The following WWOX variants were observed in gnomAD, a reference collection of about 807,000 sequenced individuals.
The protein encoded by WWOX is WW domain containing oxidoreductase, also known as WW domain-containing oxidoreductase.
A neutral mutation model predicts 46.2 loss-of-function variants in WWOX; 69 were observed. The ratio of observed to expected loss-of-function variants is 1.49; its 90% CI spans 1.23 to 1.82. WWOX has a LOEUF of 1.82. Ranked by LOEUF, WWOX falls within the 40% of genes most tolerant of loss-of-function variation. The pLI is 0.00. For synonymous variants in WWOX, 359 were observed against 202.6 expected (o/e 1.77, Z -6.56); for missense variants, 919 against 542.6 (o/e 1.69, Z -6.89).
chr16:78,719,630 C>A (rs1301709737), intron 8 of WWOX, among the ~76,000 whole-genome samples: 2 of 152,178 alleles, frequency 1.3e-5, no homozygotes, highest in Admixed American at 1.3e-4. Context: ...ATAAGCTAGT[C>A]AGGTAAGTTA....
intron 6 of WWOX, among the ~76,000 whole-genome samples, chr16:78,406,994 G>A (rs2082564921): frequency 1.3e-5 from 2 of 152,194 alleles, no homozygotes; most frequent in Admixed American, 1.3e-4. Context: ...AGTGGCACAT[G>A]CTGCATTTTG....
At chr16:78,175,439 A>G (rs760710700) in intron 5 of WWOX, among the ~76,000 whole-genome samples, 1 of 152,204 alleles carries the variant, frequency 6.6e-6, no homozygotes, top group South Asian at 2.1e-4. Context: ...CTCTCCATGA[A>G]TAGAATTTGG....
chr16:79,045,291 C>T (rs574511319), intron 8 of WWOX, among the ~76,000 whole-genome samples: 1 of 152,298 alleles, frequency 6.6e-6, no homozygotes, highest in Admixed American at 6.5e-5. Context: ...TCAGTGATAG[C>T]TCATGGGACA....
intron 8 of WWOX, among the ~76,000 whole-genome samples, chr16:78,787,397 C>A (rs1034650582): frequency 6.6e-6 from 1 of 152,154 alleles, no homozygotes; most frequent in Non-Finnish European, 1.5e-5. Flanking sequence ...TTCTGGATAT[C>A]TCATATAAAT....
intron 5 of WWOX, among the ~76,000 whole-genome samples, chr16:78,231,285 G>T (rs1250548163): frequency 6.6e-6 from 1 of 152,200 alleles, no homozygotes; most frequent in African/African-American, 2.4e-5. Flanking sequence ...CTTATGAGAT[G>T]TGGCTTCGGC....
At chr16:78,573,102 G>C (rs564275879) in intron 8 of WWOX, among the ~76,000 whole-genome samples, 11 of 152,102 alleles carry the variant, frequency 7.2e-5, no homozygotes, top group Non-Finnish European at 1.2e-4. Flanking sequence ...TGGCTAACAT[G>C]ATGAAACCCC....
chr16:78,847,765 G>C (rs2052338843), intron 8 of WWOX, among the ~76,000 whole-genome samples: 1 of 151,244 alleles, frequency 6.6e-6, no homozygotes, highest in Non-Finnish European at 1.5e-5. Flanking sequence ...AAAAATGGTA[G>C]CTTGTTTAAA....
intron 8 of WWOX, among the ~76,000 whole-genome samples, chr16:78,669,168 C>T (rs954425183): frequency 1.3e-5 from 2 of 152,112 alleles, no homozygotes; most frequent in Non-Finnish European, 2.9e-5. Context: ...GACCCCAGAA[C>T]CGGAAGACAA....
chr16:79,174,628 A>C (rs2050765102), intron 8 of WWOX, among the ~76,000 whole-genome samples: 1 of 152,218 alleles, frequency 6.6e-6, no homozygotes, highest in Admixed American at 6.5e-5. Context: ...AGCCTGGGCA[A>C]CAAGAGTGAA....
intron 4 of WWOX, among the ~76,000 whole-genome samples, chr16:78,138,934 C>T (rs1050318638): frequency 1.3e-5 from 2 of 152,196 alleles, no homozygotes; most frequent in African/African-American, 4.8e-5. Context: ...CAACTCCTAA[C>T]ATTTGCAACG....
intron 8 of WWOX, among the ~76,000 whole-genome samples, chr16:78,678,919 G>T (rs925090438): frequency 1.3e-5 from 2 of 152,116 alleles, no homozygotes; most frequent in East Asian, 1.9e-4. Flanking sequence ...GGCTGGCACC[G>T]CACACTTTGT....
At chr16:78,923,794 G>GTTTGT (rs1567652271) in intron 8 of WWOX, among the ~76,000 whole-genome samples, 9 of 102,168 alleles carry the variant, frequency 8.8e-5, no homozygotes, top group Non-Finnish European at 1.1e-4. Flanking sequence ...TTTTTAGTTA[G>GTTTGT]TTTTTTTTTT....
chr16:78,258,020 A>G (rs1355336781), intron 5 of WWOX, among the ~76,000 whole-genome samples: 2 of 152,204 alleles, frequency 1.3e-5, no homozygotes, highest in Non-Finnish European at 2.9e-5. Flanking sequence ...CTCATACTGT[A>G]TGTAAGTATG....
intron 4 of WWOX, among the ~76,000 whole-genome samples, chr16:78,115,950 C>T (rs772406972): frequency 3.3e-5 from 5 of 152,168 alleles, no homozygotes; most frequent in African/African-American, 4.8e-5. Context: ...AGCCCTCACA[C>T]GGCCCCCTTG....
intron 8 of WWOX, among the ~76,000 whole-genome samples, chr16:79,031,868 A>G (rs2047764244): frequency 7.1e-6 from 1 of 141,500 alleles, no homozygotes; most frequent in African/African-American, 2.5e-5. Context: ...ATATAGATAG[A>G]TATCTATATA....
In WWOX at chr16:79,140,871, C is replaced by T. The variant is rs72797416; in HGVS notation, c.1057-70737C>T. Among the ~76,000 whole-genome samples, 1,342 of 152,308 alleles carry T rather than the reference C, an allele frequency of 8.8e-3. 11 individuals carry two copies. The highest frequency in any genetic ancestry group is 0.014 in the Non-Finnish European group (981 of 68,032). ...TCAAACAGTTTCCGTACGTCAGTTTCACACCTCTGTTCTGCATGTCTCTGT... is the reference window on the plus strand; with the variant it reads ...TCAAACAGTTTCCGTACGTCAGTTTTACACCTCTGTTCTGCATGTCTCTGT... On this transcript the variant is annotated intron_variant, in intron 8 of 8. Coordinates refer to ENST00000566780, the MANE Select transcript of WWOX (RefSeq NM_016373.4).
intron 5 of WWOX, among the ~76,000 whole-genome samples, chr16:78,194,953 C>T (rs150283626): frequency 1.2e-3 from 180 of 152,312 alleles, no homozygotes; most frequent in Non-Finnish European, 2.3e-3. Flanking sequence ...CTGTGTGACG[C>T]GATAGCAGGT....
intron 7 of WWOX, among the ~76,000 whole-genome samples, chr16:78,429,202 A>G (rs2083159229): frequency 6.6e-6 from 1 of 152,202 alleles, no homozygotes; most frequent in Admixed American, 6.5e-5. Flanking sequence ...ACAGTCTGGT[A>G]TGGTGATGAC....
chr16:78,375,431 A>G (rs1427543918), intron 5 of WWOX, among the ~76,000 whole-genome samples: 2 of 152,250 alleles, frequency 1.3e-5, no homozygotes, highest in African/African-American at 2.4e-5. Context: ...ATGGTATGTT[A>G]AACAGTCAAT....
Sources: gnomAD v4.1 joint callset for allele counts (sites outside exome capture counted in the v4.1 genomes callset) on GRCh38, gnomAD v4.1.1 for gene constraint, MANE v1.5 for transcripts, NCBI Gene and HGNC (gene_info 2026-07-23, HGNC 2026-07-21) for gene names.